ASB3: variants seen among roughly 807,000 people sequenced by gnomAD.
The protein encoded by ASB3 is ankyrin repeat and SOCS box protein 3.
ASB3 carries 41 observed loss-of-function variants against 54.5 expected under a neutral mutation model. The ratio of observed to expected loss-of-function variants is 0.75; its 90% CI spans 0.59 to 0.98. ASB3 has a LOEUF of 0.98. Ranked by LOEUF, ASB3 falls within the 50% of genes least tolerant of loss-of-function variation. The pLI is 0.00. For synonymous variants in ASB3, 266 were observed against 221.2 expected (o/e 1.20, Z -1.80); for missense variants, 733 against 620.0 (o/e 1.18, Z -1.94).
intron 4 of ASB3, 105 bp downstream of exon 4, chr2:53,729,353 C>T: frequency 9.0e-7 from 1 of 1,106,138 alleles, no homozygotes; most frequent in East Asian, 2.5e-5. Flanking sequence ...CACTAACCAT[C>T]ATAAATCACA....
At chr2:53,716,874 G>A (rs973951165) in intron 5 of ASB3, 131 bp from the exon 6 acceptor site, 41 of 1,023,066 alleles carry the variant, frequency 4.0e-5, no homozygotes, top group Non-Finnish European at 5.3e-5. Context: ...AATGTTGGAT[G>A]TTGTTATATA....
chr2:53,781,127 A>C (rs1674619458), intron 1 of ASB3, among the ~76,000 whole-genome samples: 1 of 152,072 alleles, frequency 6.6e-6, no homozygotes, highest in African/African-American at 2.4e-5. Context: ...CAAAAAAGGA[A>C]GCCGGGCAAG....
At chr2:53,743,168 T>C (rs1212391110) in intron 3 of ASB3, among the ~76,000 whole-genome samples, 1 of 149,380 alleles carries the variant, frequency 6.7e-6, no homozygotes, top group African/African-American at 2.5e-5. Context: ...TTTTACCTTT[T>C]TTTTTTTTTT....
In ASB3 at chr2:53,670,383, T is replaced by A; in HGVS notation, c.*120A>T. 9 of 1,068,944 alleles carry A rather than the reference T, an allele frequency of 8.4e-6. No homozygotes were observed. The highest frequency in any genetic ancestry group is 1.1e-5 in the Non-Finnish European group (9 of 801,580). 66.2% of individuals were successfully genotyped at this position (1,068,944 alleles called of 1,614,324 possible). Reference sequence around the variant, plus strand: ...ACTACTGGCCCCCCAAAACCTAACCTATCTCACAATCAATAATCATCTTTT... The same window carrying A: ...ACTACTGGCCCCCCAAAACCTAACCAATCTCACAATCAATAATCATCTTTT... On this transcript the variant is annotated 3_prime_UTR_variant, in exon 10 of 10. Transcript: ENST00000263634.
intron 3 of ASB3, among the ~76,000 whole-genome samples, chr2:53,741,392 C>A (rs1671927350): frequency 6.6e-6 from 1 of 152,222 alleles, no homozygotes; most frequent in Admixed American, 6.5e-5. Context: ...CAGTCCTCAA[C>A]AAGGTAAGAA....
intron 3 of ASB3, among the ~76,000 whole-genome samples, chr2:53,745,376 G>A (rs888897123): frequency 1.3e-5 from 2 of 152,168 alleles, no homozygotes; most frequent in Admixed American, 6.5e-5. Flanking sequence ...GATGTTCCCT[G>A]AATTTCCCCT....
At chr2:53,673,455 T>C (rs1236864321) in intron 9 of ASB3, among the ~76,000 whole-genome samples, 1 of 152,218 alleles carries the variant, frequency 6.6e-6, no homozygotes, top group Non-Finnish European at 1.5e-5. Flanking sequence ...GCTGACCAGC[T>C]TTTCTAGATT....
chr2:53,741,842 G>C (rs150863538), intron 3 of ASB3, among the ~76,000 whole-genome samples: 5 of 152,170 alleles, frequency 3.3e-5, no homozygotes, highest in African/African-American at 1.2e-4. Flanking sequence ...TCCATTTTTA[G>C]TAAAACTATA....
intron 2 of ASB3, among the ~76,000 whole-genome samples, chr2:53,760,130 C>G (rs531936445): frequency 1.3e-5 from 2 of 152,130 alleles, no homozygotes; most frequent in Non-Finnish European, 2.9e-5. Context: ...AGCCCCACTC[C>G]TTTGTTAGGG....
At chr2:53,748,817 T>C (rs896054123) in intron 3 of ASB3, among the ~76,000 whole-genome samples, 4 of 152,162 alleles carry the variant, frequency 2.6e-5, no homozygotes, top group Admixed American at 2.0e-4. Context: ...AAAATCTTTT[T>C]TTCTGTTGCT....
intron 5 of ASB3, 115 bp downstream of exon 5, chr2:53,728,597 C>T (rs1378017094): frequency 3.0e-6 from 4 of 1,313,928 alleles, no homozygotes; most frequent in Non-Finnish European, 3.0e-6. Flanking sequence ...TTACCACTTA[C>T]ATAAAACCAT....
intron 3 of ASB3, among the ~76,000 whole-genome samples, chr2:53,732,941 T>A (rs1671402219): frequency 6.6e-6 from 1 of 152,220 alleles, no homozygotes. Flanking sequence ...GACCCATAAC[T>A]GTGCTGAATG....
intron 3 of ASB3, among the ~76,000 whole-genome samples, chr2:53,739,782 G>A (rs986692530): frequency 3.9e-5 from 6 of 152,050 alleles, no homozygotes; most frequent in African/African-American, 1.4e-4. Flanking sequence ...CTCAAGCGAT[G>A]CTCCCACCTC....
At chr2:53,680,319 C>T (rs556049571) in intron 9 of ASB3, among the ~76,000 whole-genome samples, 2 of 152,310 alleles carry the variant, frequency 1.3e-5, no homozygotes, top group East Asian at 3.9e-4. Flanking sequence ...GGAATTGCCA[C>T]ACTGTCTTCC....
intron 3 of ASB3, among the ~76,000 whole-genome samples, chr2:53,745,716 C>T (rs562652689): frequency 5.1e-4 from 78 of 152,292 alleles, no homozygotes; most frequent in Non-Finnish European, 1.0e-3. Context: ...AGGACAGGTC[C>T]TATAACATGT....
intron 9 of ASB3, among the ~76,000 whole-genome samples, chr2:53,689,614 T>TA (rs1668804163): frequency 6.6e-6 from 1 of 152,190 alleles, no homozygotes; most frequent in African/African-American, 2.4e-5. Context: ...TTGGTGTACT[T>TA]ACCACAGATG....
chr2:53,678,369 G>C (rs1217297887), intron 9 of ASB3, among the ~76,000 whole-genome samples: 1 of 152,004 alleles, frequency 6.6e-6, no homozygotes. Context: ...TAACATGCCT[G>C]GTAAATAACA....
chr2:53,742,380 C>G (rs1671979254), intron 3 of ASB3, among the ~76,000 whole-genome samples: 2 of 152,088 alleles, frequency 1.3e-5, no homozygotes, highest in African/African-American at 2.4e-5. Flanking sequence ...CAGCACAAAT[C>G]CATACAAAGA....
intron 1 of ASB3, among the ~76,000 whole-genome samples, chr2:53,773,784 C>T (rs551288831): frequency 1.1e-4 from 16 of 151,914 alleles, no homozygotes; most frequent in African/African-American, 3.9e-4. Flanking sequence ...CCTGTAATCC[C>T]AGCACACTGG....
Sources: allele counts gnomAD v4.1 joint callset (sites outside exome capture counted in the v4.1 genomes callset), GRCh38; gene constraint gnomAD v4.1.1; transcripts MANE v1.5; gene names NCBI Gene and HGNC (gene_info 2026-07-23, HGNC 2026-07-21).